Variants in CAMK2A observed in about 807,000 individuals in gnomAD.
CAMK2A encodes calcium/calmodulin dependent protein kinase II alpha.
Under a neutral mutation model 79.2 loss-of-function variants are expected in CAMK2A, and 7 were observed. The observed-to-expected ratio is 0.09, with a 90% confidence interval of 0.05 to 0.17. The LOEUF (loss-of-function observed/expected upper bound fraction) is 0.17. Ranked by LOEUF, CAMK2A falls within the 10% of genes least tolerant of loss-of-function variation. CAMK2A has a pLI of 1.00. For synonymous variants in CAMK2A, 242 were observed against 251.7 expected (o/e 0.96, Z 0.36); for missense variants, 214 against 646.4 (o/e 0.33, Z 7.25).
At chr5:150,276,022 C>T (rs1420532699) in intron 1 of CAMK2A, among the ~76,000 whole-genome samples, 2 of 152,130 alleles carry the variant, frequency 1.3e-5, no homozygotes, top group African/African-American at 4.8e-5. Context: ...CCAAAGCTGC[C>T]TCATTAGAAC....
At chr5:150,238,982 C>A (rs1755217492) in intron 14 of CAMK2A, among the ~76,000 whole-genome samples, 1 of 152,124 alleles carries the variant, frequency 6.6e-6, no homozygotes, top group Non-Finnish European at 1.5e-5. Context: ...AGAACCCTGG[C>A]CTTTCTGGAA....
chr5:150,226,747 G>GGC (rs1411150409), intron 17 of CAMK2A, among the ~76,000 whole-genome samples: 2 of 100,196 alleles, frequency 2.0e-5, no homozygotes, highest in African/African-American at 8.0e-5. Flanking sequence ...AAAAAAAAGG[G>GGC]GGGGGGGGGA....
intron 2 of CAMK2A, among the ~76,000 whole-genome samples, chr5:150,270,058 T>C (rs1032869336): frequency 6.6e-6 from 1 of 152,208 alleles, no homozygotes; most frequent in African/African-American, 2.4e-5. Context: ...GCCTCATGCA[T>C]GTGCCCAATG....
At chr5:150,239,922 C>A (rs956525088) in intron 13 of CAMK2A, among the ~76,000 whole-genome samples, 186 bp from the exon 14 acceptor site, 5 of 152,124 alleles carry the variant, frequency 3.3e-5, no homozygotes, top group African/African-American at 1.2e-4. Flanking sequence ...GTTGACCTGG[C>A]GGGGCCAGTC....
chr5:150,241,455 C>G (rs75310049), intron 13 of CAMK2A, among the ~76,000 whole-genome samples: 10 of 137,960 alleles, frequency 7.2e-5, no homozygotes, highest in African/African-American at 2.5e-4. Flanking sequence ...TCTTTTACTC[C>G]GTTCCCTCGC....
At chr5:150,250,643 G>A (rs1477048258) in intron 10 of CAMK2A, 45 bp downstream of exon 10, 1 of 1,609,792 alleles carries the variant, frequency 6.2e-7, no homozygotes, top group Non-Finnish European at 8.5e-7. Context: ...TGGATCATGA[G>A]GTCTGGAGGG....
At position 150,284,856 on chromosome 5, in the gene CAMK2A, C is replaced by T. The variant is rs1292200042; in HGVS notation, c.62+4708G>A. ...GAGCAGAGCATCTCCATGGTCCTTA[C>T]AATTCTGATGTTCCGGAGGTCTGCA... On this transcript the variant is annotated intron_variant, in intron 1 of 18. Coordinates refer to ENST00000671881, the MANE Select transcript of CAMK2A (RefSeq NM_015981.4). The surrounding 1 kb of genome is among the most constrained non-coding windows in gnomAD (Gnocchi z 5.3). Among the ~76,000 whole-genome samples the T allele has an allele frequency of 2.0e-5, 3 of 152,154 alleles. No homozygotes were observed. Among genetic ancestry groups the T allele is most frequent in the Non-Finnish European group, 4.4e-5 (3 of 68,018 alleles).
rs1754368882 is a variant in CAMK2A, at chr5:150,222,579, C to T, written c.*131G>A. ...CAAGCAGGTTTTCTTGATGCAGGTA[C>T]AGAAGTGACGGTGGTGGGGTGATGA... is the stretch of plus-strand genomic sequence containing the variant. On this transcript the variant is annotated 3_prime_UTR_variant, in exon 19 of 19. Transcript: ENST00000671881. 1.0e-6 allele frequency: 1 copy of T among 1,004,020 alleles called. No individual in the cohort carries two copies. The highest frequency in any genetic ancestry group is 1.6e-6 in the Non-Finnish European group (1 of 639,346). 62.2% of individuals were successfully genotyped at this position (1,004,020 alleles called of 1,614,324 possible).
intron 15 of CAMK2A, among the ~76,000 whole-genome samples, chr5:150,233,744 T>C (rs185031713): frequency 6.6e-6 from 1 of 152,252 alleles, no homozygotes; most frequent in Admixed American, 6.5e-5. Context: ...AGCTGGAAAC[T>C]GAGTTTGGGA....
intron 1 of CAMK2A, among the ~76,000 whole-genome samples, chr5:150,279,808 G>T (rs1177815901): frequency 6.6e-6 from 1 of 152,240 alleles, no homozygotes; most frequent in East Asian, 1.9e-4. Context: ...GCGCATGGCT[G>T]AGAATGTGGG....
intron 1 of CAMK2A, among the ~76,000 whole-genome samples, chr5:150,279,637 G>A (rs911536226): frequency 1.3e-5 from 2 of 152,210 alleles, no homozygotes; most frequent in African/African-American, 4.8e-5. Flanking sequence ...GCAAGCCAAG[G>A]TGGACGTGTG....
rs1754193168 is a variant in CAMK2A at position 150,219,576 on chromosome 5, C to CCAAAAAAAAAA, written c.*3133_*3134insTTTTTTTTTTG. 8.0e-6 allele frequency: 1 copy of CCAAAAAAAAAA among 124,712 alleles called. No individual in the cohort carries two copies. Among genetic ancestry groups the CCAAAAAAAAAA allele is most frequent in the African/African-American group, 2.9e-5 (1 of 34,560 alleles). 7.7% of individuals were successfully genotyped at this position (124,712 alleles called of 1,614,324 possible). ...TTCTTCCCATCCCACCCGCCCCCCC[C>CCAAAAAAAAAA]AATAGCAGAAAGTTTGAGCAGTGTT... On this transcript the variant is annotated 3_prime_UTR_variant, in exon 19 of 19. Transcript: ENST00000671881.
chr5:150,286,384 G>A (rs1006411841), intron 1 of CAMK2A, among the ~76,000 whole-genome samples: 1 of 152,340 alleles, frequency 6.6e-6, no homozygotes, highest in African/African-American at 2.4e-5. Context: ...ACCAGGGCTG[G>A]AGAAGAGCAG....
Position 150,223,117 on chromosome 5 carries a change from C to T in CAMK2A, c.1338G>A (p.Thr446=), listed in dbSNP as rs926952037. Reference sequence around the variant, plus strand: ...GGATGCCGCCAGCGTCCAGGTACTGCGTGATGCGGATGTAGGCGATGCAGG... The same window carrying T: ...GGATGCCGCCAGCGTCCAGGTACTGTGTGATGCGGATGTAGGCGATGCAGG... ...ESACIAYIRI[T]QYLDAGGIPR... Residue 446 remains threonine, a synonymous_variant, in exon 18 of 19, where the codon ACG becomes ACA. Transcript: ENST00000671881. This position sits in a 1 kb window ranked among gnomAD's most constrained non-coding sequence, Gnocchi z 4.1. 9.3e-6 allele frequency: 15 copies of T among 1,614,016 alleles called. No homozygotes were observed. The African/African-American group carries it at 1.5e-4, about 16-fold the overall frequency.
At chr5:150,246,541 A>G (rs1562158608) in intron 12 of CAMK2A, among the ~76,000 whole-genome samples, 1 of 152,226 alleles carries the variant, frequency 6.6e-6, no homozygotes, top group Non-Finnish European at 1.5e-5. Flanking sequence ...AAACACCCCT[A>G]CCTCCACAAA....
chr5:150,277,407 G>A (rs1756994162), intron 1 of CAMK2A, among the ~76,000 whole-genome samples: 1 of 152,224 alleles, frequency 6.6e-6, no homozygotes, highest in Non-Finnish European at 1.5e-5. Flanking sequence ...AATCAGCACT[G>A]ATGGGGGCCA....
chr5:150,235,726 C>G (rs187125304), intron 15 of CAMK2A, among the ~76,000 whole-genome samples: 1 of 152,144 alleles, frequency 6.6e-6, no homozygotes, highest in African/African-American at 2.4e-5. Flanking sequence ...CCTCAGGGGA[C>G]GATGTTCCCT....
Position 150,223,620 on chromosome 5 carries a change from TGACAACTGAC to T in CAMK2A, c.1238-413_1238-404del, listed in dbSNP as rs1754458305. Among the ~76,000 whole-genome samples, 1 of 152,118 alleles carries T rather than the reference TGACAACTGAC, an allele frequency of 6.6e-6. No individual in the cohort carries two copies. The highest frequency in any genetic ancestry group is 2.4e-5 in the African/African-American group (1 of 41,410). On this transcript the variant is annotated intron_variant, in intron 17 of 18. Transcript: ENST00000671881. The surrounding 1 kb of genome is among the most constrained non-coding windows in gnomAD (Gnocchi z 4.1). Reference sequence around the variant, plus strand: ...GCTGAGCTGGGTATAAGATGCTAAATGACAACTGACCCTTTGCCTCTGGGTCAGGGAGGCG... The same window carrying T: ...GCTGAGCTGGGTATAAGATGCTAAATCCTTTGCCTCTGGGTCAGGGAGGCG...
chr5:150,263,937 G>GT (rs1490189649), intron 3 of CAMK2A, among the ~76,000 whole-genome samples: 1 of 152,236 alleles, frequency 6.6e-6, no homozygotes, highest in Non-Finnish European at 1.5e-5. Context: ...CAGGGAAGGG[G>GT]AGGTGCCTTC....
Sources: gnomAD v4.1 joint callset for allele counts (sites outside exome capture counted in the v4.1 genomes callset) on GRCh38, gnomAD v4.1.1 for gene constraint, Gnocchi (gnomAD v3.1) non-coding constraint, MANE v1.5 for transcripts, NCBI Gene and HGNC (gene_info 2026-07-23, HGNC 2026-07-21) for gene names.